Variants in IMPG2 observed in about 807,000 individuals in gnomAD.
IMPG2 encodes IPM 200.
Under a neutral mutation model 129.2 loss-of-function variants are expected in IMPG2, and 91 were observed. That is an observed-to-expected ratio of 0.70 (90% CI 0.59 to 0.84). The LOEUF is 0.84. IMPG2 is among the 40% of genes least tolerant of loss of function. The pLI is 0.00. For missense variants in IMPG2, 1,430 were observed against 1,461.7 expected (o/e 0.98, Z 0.35); for synonymous variants, 510 against 517.7 (o/e 0.99, Z 0.20).
At chr3:101,256,126 GAGAAAGAAAGAAAGAAAGA>G (rs1706597403) in intron 10 of IMPG2, among the ~76,000 whole-genome samples, 6 of 68,100 alleles carry the variant, frequency 8.8e-5, no homozygotes, top group East Asian at 4.0e-4. Flanking sequence ...AAAAGAAAGA[GAGAAAGAAAGAAAGAAAGA>G]AAAGAAAGAA....
At chr3:101,254,596 A>G (rs1412399930) in intron 10 of IMPG2, among the ~76,000 whole-genome samples, 3 of 152,092 alleles carry the variant, frequency 2.0e-5, no homozygotes, top group Non-Finnish European at 4.4e-5. Flanking sequence ...ACCTGTTCCC[A>G]CTGGCCTCAC....
chr3:101,237,574 C>G (rs991029567), intron 14 of IMPG2, among the ~76,000 whole-genome samples: 1 of 152,152 alleles, frequency 6.6e-6, no homozygotes, highest in Admixed American at 6.5e-5. Context: ...CCCAGGCAAA[C>G]AGAGTCTGGA....
intron 2 of IMPG2, among the ~76,000 whole-genome samples, chr3:101,310,734 T>C (rs1341285616): frequency 6.6e-6 from 1 of 152,178 alleles, no homozygotes; most frequent in African/African-American, 2.4e-5. Context: ...AAAAACATTA[T>C]TGTGTGCCGA....
chr3:101,263,965 A>C (rs1267368240), intron 9 of IMPG2, among the ~76,000 whole-genome samples: 2 of 151,910 alleles, frequency 1.3e-5, no homozygotes, highest in African/African-American at 4.8e-5. Flanking sequence ...TACTATGAAT[A>C]ACCATATGCC....
intron 9 of IMPG2, among the ~76,000 whole-genome samples, chr3:101,264,852 T>A (rs1249423813): frequency 6.6e-6 from 1 of 151,698 alleles, no homozygotes; most frequent in Admixed American, 6.6e-5. Flanking sequence ...TTTAGTAAGG[T>A]TGCAGGATAC....
chr3:101,254,950 T>C (rs1033769747), intron 10 of IMPG2, among the ~76,000 whole-genome samples: 15 of 151,994 alleles, frequency 9.9e-5, no homozygotes, highest in Admixed American at 5.3e-4. Flanking sequence ...TCTCTCTCTC[T>C]CAGTCTCTTC....
chr3:101,251,827 GA>G (rs1000645502), intron 11 of IMPG2, among the ~76,000 whole-genome samples: 9 of 152,034 alleles, frequency 5.9e-5, no homozygotes, highest in African/African-American at 9.6e-5. Context: ...GATCTGGGGG[GA>G]AAAAACCCAC....
In IMPG2 at chr3:101,275,732, A is replaced by C; in HGVS notation, c.597T>G (p.Ser199Arg). Reference sequence around the variant, plus strand: ...AGGCGTCCACCTCTGGATGTGGAACACTGAGAGTAGTGTCTAAGAAGAAAA... The same window carrying C: ...AGGCGTCCACCTCTGGATGTGGAACCCTGAGAGTAGTGTCTAAGAAGAAAA... ...DTSTLGDTTLSVPHPEVDAYE... is the reference protein window; with the variant it reads ...DTSTLGDTTLRVPHPEVDAYE... Residue 199 changes from serine (S) to arginine (R), a missense_variant, in exon 6 of 19, where the codon AGT (serine) becomes AGG (arginine). By Grantham distance (110) the Ser-to-Arg change is moderately radical. Transcript: ENST00000193391. 6.2e-7 allele frequency: 1 copy of C among 1,613,784 alleles called. No individual in the cohort carries two copies. Among genetic ancestry groups the C allele is most frequent in the Non-Finnish European group, 8.5e-7 (1 of 1,179,674 alleles).
chr3:101,276,717 G>GAA lies in IMPG2; in HGVS notation c.534-6_534-5dup. ...AACTGGAGAAGACAGTTCAGAGCTA[G>GAA]AAAAAAAAATGTTTGCAGTTAATAA... is the stretch of plus-strand genomic sequence containing the variant. On this transcript the variant is annotated splice_region_variant and splice_polypyrimidine_tract_variant and intron_variant, in intron 4 of 18. Transcript: ENST00000193391. 2.5e-6 allele frequency: 4 copies of GAA among 1,590,012 alleles called. No homozygotes were observed. The highest frequency in any genetic ancestry group is 3.4e-6 in the Non-Finnish European group (4 of 1,161,704).
At position 101,224,374 on chromosome 3, in the gene IMPG2, T is replaced by C. The variant is rs1706198942; in HGVS notation, c.*2595A>G. ...ACATTTTTAAAATGGTTATTTACCA[T>C]GCATTTTATTGCTAACTGCATTTTA... On this transcript the variant is annotated 3_prime_UTR_variant, in exon 19 of 19. Coordinates refer to ENST00000193391, the MANE Select transcript of IMPG2 (RefSeq NM_016247.4). The C allele has an allele frequency of 6.6e-6, 1 of 152,250 alleles. No homozygotes were observed. The allele number at this position is 152,250 out of a possible 1,614,324, so 9.4% of individuals were successfully genotyped here.
At chr3:101,234,118 T>C (rs923641072) in intron 14 of IMPG2, among the ~76,000 whole-genome samples, 4 of 150,476 alleles carry the variant, frequency 2.7e-5, no homozygotes, top group African/African-American at 9.8e-5. Context: ...CCGCAGAATA[T>C]GACCTTACTT....
intron 9 of IMPG2, among the ~76,000 whole-genome samples, chr3:101,266,105 ATGTAAACT>A (rs1706718355): frequency 1.3e-5 from 2 of 152,176 alleles, no homozygotes; most frequent in Non-Finnish European, 2.9e-5. Flanking sequence ...TCTGGTGGGA[ATGTAAACT>A]TGTATAGCCA....
At chr3:101,272,952 A>G (rs1706802978) in intron 7 of IMPG2, among the ~76,000 whole-genome samples, 1 of 152,236 alleles carries the variant, frequency 6.6e-6, no homozygotes. Context: ...AAGGCAAACT[A>G]GACGGGGACT....
In IMPG2 at chr3:101,222,581, T is replaced by G. The variant is rs1349921827; in HGVS notation, c.*4388A>C. On this transcript the variant is annotated 3_prime_UTR_variant, in exon 19 of 19. Transcript: ENST00000193391. ...TGATGTTTATTACTAATGAAAATAG[T>G]ACAGTTGTATACATAGGAAAACATC... The G allele has an allele frequency of 2.0e-5, 3 of 152,232 alleles. No individual in the cohort carries two copies. The highest frequency in any genetic ancestry group is 7.2e-5 in the African/African-American group (3 of 41,466). The allele number at this position is 152,232 out of a possible 1,614,324, so 9.4% of individuals were successfully genotyped here.
At chr3:101,291,972 T>C (rs952172043) in intron 3 of IMPG2, among the ~76,000 whole-genome samples, 8 of 152,206 alleles carry the variant, frequency 5.3e-5, no homozygotes, top group Non-Finnish European at 1.0e-4. Context: ...ATATCAATAA[T>C]TGGATTATTC....
At chr3:101,269,113 G>A (rs1170484029) in intron 8 of IMPG2, among the ~76,000 whole-genome samples, 2 of 152,170 alleles carry the variant, frequency 1.3e-5, no homozygotes, top group African/African-American at 4.8e-5. Context: ...TTTAAAACAA[G>A]GACTAATGCA....
chr3:101,310,575 A>G (rs1486226750), intron 2 of IMPG2, among the ~76,000 whole-genome samples: 2 of 9,282 alleles, frequency 2.2e-4, no homozygotes, highest in Non-Finnish European at 1.4e-3. Context: ...AAAAAAAAAA[A>G]AAAAAAAAAA....
Position 101,232,965 on chromosome 3 carries a change from GAA to G in IMPG2, c.3047_3048del (p.Phe1016SerfsTer4), listed in dbSNP as rs1706306747. The G allele has an allele frequency of 1.9e-6, 3 of 1,613,880 alleles. No individual in the cohort carries two copies. Among genetic ancestry groups the G allele is most frequent in the Non-Finnish European group, 2.5e-6 (3 of 1,180,000 alleles). On this transcript the variant is annotated frameshift_variant, in exon 15 of 19. Coordinates refer to ENST00000193391, the MANE Select transcript of IMPG2 (RefSeq NM_016247.4). LOFTEE classifies it high-confidence loss of function. Reference protein sequence around the residue: ...ESGDEANPCKFQACNEFSECL... With the variant: ...ESGDEANPCKXQACNEFSECL... ...CACTCTGAAAATTCATTACAGGCCT[GAA>G]ACTTGCAAGGGTTGGCTTCATCACC... is the stretch of plus-strand genomic sequence containing the variant.
At chr3:101,239,309 T>C (rs1037137051) in intron 14 of IMPG2, among the ~76,000 whole-genome samples, 1 of 152,192 alleles carries the variant, frequency 6.6e-6, no homozygotes, top group East Asian at 1.9e-4. Flanking sequence ...AGAAAACATT[T>C]ATGCAGCTAA....
Sources: gnomAD v4.1 joint callset for allele counts (sites outside exome capture counted in the v4.1 genomes callset) on GRCh38, gnomAD v4.1.1 for gene constraint, MANE v1.5 for transcripts, NCBI Gene and HGNC (gene_info 2026-07-23, HGNC 2026-07-21) for gene names.